Variants in GPATCH2L observed in about 807,000 individuals in gnomAD.
The protein encoded by GPATCH2L is G patch domain-containing protein 2-like.
Under a neutral mutation model 57.4 loss-of-function variants are expected in GPATCH2L, and 31 were observed. That is an observed-to-expected ratio of 0.54 (90% confidence interval 0.41 to 0.73). The LOEUF is 0.73. Among genes scored for constraint, GPATCH2L ranks in the 30% least tolerant of loss-of-function variants. The pLI, the probability that GPATCH2L is intolerant of heterozygous loss-of-function variation, is 0.00. For missense variants in GPATCH2L, 481 were observed against 599.9 expected (o/e 0.80, Z 2.07); for synonymous variants, 199 against 210.7 (o/e 0.94, Z 0.48).
At chr14:76,162,744 A>G (rs1289909477) in intron 2 of GPATCH2L, among the ~76,000 whole-genome samples, 1 of 152,190 alleles carries the variant, frequency 6.6e-6, no homozygotes. Flanking sequence ...TGGGTCCCTG[A>G]GAGTATATTT....
In GPATCH2L at chr14:76,207,502, A is replaced by T. The variant is rs1004784325; in HGVS notation, c.*5651A>T. 22 of 151,756 alleles carry T rather than the reference A, an allele frequency of 1.4e-4. No homozygotes were observed. Among genetic ancestry groups the T allele is most frequent in the Non-Finnish European group, 7.4e-5 (5 of 68,008 alleles). 9.4% of individuals were successfully genotyped at this position (151,756 alleles called of 1,614,324 possible). On this transcript the variant is annotated 3_prime_UTR_variant, in exon 10 of 10. Coordinates refer to ENST00000261530, the MANE Select transcript of GPATCH2L (RefSeq NM_017926.4). The stretch of plus-strand genomic sequence containing the variant: ...TGTATTTTCCAGCATGATAATGATG[A>T]ATCATTTAAAGTACGGCTCATAAAA...
chr14:76,211,636 A>C lies in GPATCH2L; in HGVS notation c.*9785A>C, dbSNP rs1467202733. 6.6e-6 allele frequency: 1 copy of C among 152,194 alleles called. No individual in the cohort carries two copies. Among genetic ancestry groups the C allele is most frequent in the East Asian group, 1.9e-4 (1 of 5,204 alleles). 9.4% of individuals were successfully genotyped at this position (152,194 alleles called of 1,614,324 possible). On this transcript the variant is annotated 3_prime_UTR_variant, in exon 10 of 10. Transcript: ENST00000261530. ...GTCAAAGTTGTTCAACTACCAGTTA[A>C]GTTTTTTGGGCTTTGTTTCTCAGTA... is the stretch of plus-strand genomic sequence containing the variant.
chr14:76,201,278 T>C (rs1374737251), intron 9 of GPATCH2L, among the ~76,000 whole-genome samples: 1 of 152,184 alleles, frequency 6.6e-6, no homozygotes, highest in Non-Finnish European at 1.5e-5. Flanking sequence ...ACAATTTATC[T>C]GATCTCTGTA....
At chr14:76,196,582 G>T in intron 9 of GPATCH2L, 1 of 157,812 alleles carries the variant, frequency 6.3e-6, no homozygotes, top group Non-Finnish European at 1.4e-5. Context: ...TGAACTTGGT[G>T]GGGGTGTGTG....
At chr14:76,201,283 TCTGTATA>T (rs2040304491) in intron 9 of GPATCH2L, among the ~76,000 whole-genome samples, 1 of 152,184 alleles carries the variant, frequency 6.6e-6, no homozygotes. Context: ...TTATCTGATC[TCTGTATA>T]CCTTAGCTCC....
intron 8 of GPATCH2L, among the ~76,000 whole-genome samples, chr14:76,195,504 A>G (rs1479165135): frequency 1.3e-5 from 2 of 152,216 alleles, no homozygotes; most frequent in South Asian, 2.1e-4. Flanking sequence ...GTGTTCATGC[A>G]GCATTAAACT....
In GPATCH2L at chr14:76,203,791, C is replaced by T. The variant is rs1047980049; in HGVS notation, c.*1940C>T. Reference sequence around the variant, plus strand: ...ATTTTGTTGTCATGTGCATTGTCACCATAGTGACCCGTGGCATATATTTTT... The same window carrying T: ...ATTTTGTTGTCATGTGCATTGTCACTATAGTGACCCGTGGCATATATTTTT... On this transcript the variant is annotated 3_prime_UTR_variant, in exon 10 of 10. Transcript: ENST00000261530. 4 of 152,164 alleles carry T rather than the reference C, an allele frequency of 2.6e-5. No homozygotes were observed. The highest frequency in any genetic ancestry group is 2.9e-5 in the Non-Finnish European group (2 of 68,044). 9.4% of individuals were successfully genotyped at this position (152,164 alleles called of 1,614,324 possible).
intron 3 of GPATCH2L, 92 bp from the exon 4 acceptor site, chr14:76,171,751 C>A (rs2139659505): frequency 2.2e-5 from 16 of 730,722 alleles, no homozygotes; most frequent in South Asian, 4.5e-5. Flanking sequence ...AAAGGATGAT[C>A]AAAACTATGG....
chr14:76,184,401 C>G (rs1269893658), intron 8 of GPATCH2L, among the ~76,000 whole-genome samples: 1 of 151,780 alleles, frequency 6.6e-6, no homozygotes, highest in Non-Finnish European at 1.5e-5. Flanking sequence ...CTTGCCTGGA[C>G]ACTGCCAATT....
intron 9 of GPATCH2L, among the ~76,000 whole-genome samples, chr14:76,200,247 A>G (rs1417045951): frequency 3.3e-5 from 5 of 152,208 alleles, no homozygotes. Flanking sequence ...GGTGATAAAT[A>G]GTGGTGACAG....
intron 7 of GPATCH2L, 142 bp downstream of exon 7, chr14:76,178,184 A>G (rs1566793913): frequency 1.5e-6 from 2 of 1,377,280 alleles, no homozygotes; most frequent in Non-Finnish European, 1.0e-6. Context: ...CATATATTTC[A>G]TAGGAATCCT....
rs2040468468 is a variant in GPATCH2L, at chr14:76,213,932, T to C, written c.*12081T>C. 6.6e-6 allele frequency: 1 copy of C among 152,202 alleles called. No homozygotes were observed. Among genetic ancestry groups the C allele is most frequent in the Non-Finnish European group, 1.5e-5 (1 of 68,038 alleles). The allele number at this position is 152,202 out of a possible 1,614,324, so 9.4% of individuals were successfully genotyped here. A position where few individuals can be genotyped will look rare whatever the true frequency, so the allele number is the denominator to read the frequency against. ...CAGGATCCATATGTACTTGGGTCTT[T>C]CTGGGTTTTCTGTTCCACTGGTCTA... On this transcript the variant is annotated 3_prime_UTR_variant, in exon 10 of 10. Transcript: ENST00000261530.
rs1947085 is a variant in GPATCH2L at position 76,210,714 on chromosome 14, T to C, written c.*8863T>C. On this transcript the variant is annotated 3_prime_UTR_variant, in exon 10 of 10. Transcript: ENST00000261530. Reference sequence around the variant, plus strand: ...TACCAAGGCACAACTGATTCCTAAGTGAGGGGGATATGTGTTCTGAGATGT... The same window carrying C: ...TACCAAGGCACAACTGATTCCTAAGCGAGGGGGATATGTGTTCTGAGATGT... 0.93 allele frequency: 141,318 copies of C among 152,236 alleles called. 66,024 individuals carry two copies. Among genetic ancestry groups the C allele is most frequent in the Non-Finnish European group, 0.98 (66,957 of 68,032 alleles). 9.4% of individuals were successfully genotyped at this position (152,236 alleles called of 1,614,324 possible).
In GPATCH2L at chr14:76,154,872, G is replaced by T; in HGVS notation, c.509G>T (p.Arg170Leu). 1.2e-6 allele frequency: 2 copies of T among 1,614,176 alleles called. No individual in the cohort carries two copies. The highest frequency in any genetic ancestry group is 1.7e-6 in the Non-Finnish European group (2 of 1,180,016). ...TCTGCTAAGAAGCAGCGTCTGTCCC[G>T]CTGGAAGGAGAATACTCCCTGGACC... ...FKSAKKQRLS[R>L]WKENTPWTSS... The change falls in exon 2 of 10, where the codon CGC (arginine) becomes CTC (leucine). Residue 170 changes from arginine to leucine, a missense_variant. Arg to Leu is a moderately radical substitution (Grantham distance 102). Transcript: ENST00000261530. This position sits in a 1 kb window ranked among gnomAD's most constrained non-coding sequence, Gnocchi z 4.4.
At chr14:76,201,015 G>A (rs930901460) in intron 9 of GPATCH2L, among the ~76,000 whole-genome samples, 2 of 152,120 alleles carry the variant, frequency 1.3e-5, no homozygotes, top group East Asian at 1.9e-4. Flanking sequence ...GATCCAGATC[G>A]GTAAGTGTTC....
chr14:76,211,934 G>A lies in GPATCH2L; in HGVS notation c.*10083G>A, dbSNP rs1384085347. 3 of 152,042 alleles carry A rather than the reference G, an allele frequency of 2.0e-5. No homozygotes were observed. The highest frequency in any genetic ancestry group is 4.4e-5 in the Non-Finnish European group (3 of 67,962). 9.4% of individuals were successfully genotyped at this position (152,042 alleles called of 1,614,324 possible). ...GACTGACCAGCATTTTAAATTAGGCGATGCAGTCTAGCTTTTGTACATAGA... is the reference window on the plus strand; with the variant it reads ...GACTGACCAGCATTTTAAATTAGGCAATGCAGTCTAGCTTTTGTACATAGA... On this transcript the variant is annotated 3_prime_UTR_variant, in exon 10 of 10. Transcript: ENST00000261530.
intron 3 of GPATCH2L, among the ~76,000 whole-genome samples, chr14:76,169,840 A>T (rs1383883991): frequency 5.3e-5 from 8 of 152,258 alleles, no homozygotes; most frequent in Admixed American, 4.6e-4. Context: ...GCCTGTATTC[A>T]GTTCATCTAT....
chr14:76,174,590 G>A (rs1035993650), intron 5 of GPATCH2L: 3 of 151,990 alleles, frequency 2.0e-5, no homozygotes, highest in Non-Finnish European at 4.4e-5. Context: ...ATTTCCAGAC[G>A]AGCCCAAGAT....
intron 6 of GPATCH2L, among the ~76,000 whole-genome samples, chr14:76,177,309 G>A (rs1387540761): frequency 6.6e-6 from 1 of 152,174 alleles, no homozygotes; most frequent in Non-Finnish European, 1.5e-5. Flanking sequence ...GCCTCCTAAA[G>A]TGTTGGGATT....
Sources: gnomAD v4.1 joint callset for allele counts (sites outside exome capture counted in the v4.1 genomes callset) on GRCh38, gnomAD v4.1.1 for gene constraint, Gnocchi (gnomAD v3.1) non-coding constraint, MANE v1.5 for transcripts, NCBI Gene and HGNC (gene_info 2026-07-23, HGNC 2026-07-21) for gene names.